HERC5: variants seen among roughly 807,000 people sequenced by gnomAD.
The protein encoded by HERC5 is HECT and RLD domain containing E3 ubiquitin protein ligase 5.
A neutral mutation model predicts 119.6 loss-of-function variants in HERC5; 99 were observed. That is an observed-to-expected ratio of 0.83 (90% CI 0.70 to 0.98). HERC5 has a LOEUF of 0.98. Among genes scored for constraint, HERC5 ranks in the 50% least tolerant of loss-of-function variants. The probability of loss-of-function intolerance (pLI) is 0.00; values close to 1 mark genes in which losing one functional copy is unlikely to be tolerated. For missense variants in HERC5, 1,267 were observed against 1,241.3 expected (o/e 1.02, Z -0.31); for synonymous variants, 478 against 445.9 (o/e 1.07, Z -0.91).
intron 1 of HERC5, among the ~76,000 whole-genome samples, chr4:88,458,337 G>A (rs1254389327): frequency 1.3e-5 from 2 of 151,762 alleles, no homozygotes; most frequent in African/African-American, 2.4e-5. Flanking sequence ...TGTTAGGCTG[G>A]AAAGCTATCC....
At chr4:88,500,232 G>A (rs184610189) in intron 19 of HERC5, among the ~76,000 whole-genome samples, 75 of 152,280 alleles carry the variant, frequency 4.9e-4, no homozygotes, top group Middle Eastern at 3.4e-3. Context: ...GGGCCGACTT[G>A]GCCAGGCTGG....
chr4:88,457,861 C>A, intron 1 of HERC5: 1 of 1,035,318 alleles, frequency 9.7e-7, no homozygotes, highest in Non-Finnish European at 1.2e-6. Context: ...ACCCCCGTCC[C>A]CCGCCCGCCG....
chr4:88,463,729 C>A, intron 5 of HERC5, 106 bp downstream of exon 5: 1 of 1,363,560 alleles, frequency 7.3e-7, no homozygotes, highest in Non-Finnish European at 1.0e-6. Context: ...GTATGTAGGA[C>A]TGTCCTTCTG....
At chr4:88,473,446 G>A (rs993982463) in intron 11 of HERC5, 4 of 152,038 alleles carry the variant, frequency 2.6e-5, no homozygotes. Context: ...GCCACAACTA[G>A]CATTTTCTAT....
chr4:88,495,876 G>A (rs986229677), intron 18 of HERC5, among the ~76,000 whole-genome samples: 1 of 152,132 alleles, frequency 6.6e-6, no homozygotes, highest in Non-Finnish European at 1.5e-5. Flanking sequence ...AATTAACAAT[G>A]TACATGAACT....
In HERC5 at chr4:88,505,816, A is replaced by G. The variant is rs574099995; in HGVS notation, c.3013A>G (p.Thr1005Ala). The part of the protein sequence containing the change: ...FSVLFLPKYS[T>A]METVEEALQE... Reference sequence around the variant, plus strand: ...TGTCCTCTTCCTCCCTAAATATTCTACAATGGAAACAGTTGAAGAAGCGCT... The same window carrying G: ...TGTCCTCTTCCTCCCTAAATATTCTGCAATGGAAACAGTTGAAGAAGCGCT... Residue 1005 changes from threonine to alanine, a missense_variant, in exon 23 of 23, where the codon ACA becomes GCA. Physicochemically the swap from Thr to Ala is moderately conservative, Grantham distance 58 (BLOSUM62 0). Transcript: ENST00000264350. The G allele has an allele frequency of 8.7e-6, 14 of 1,613,772 alleles. No individual in the cohort carries two copies. The South Asian group carries it at 1.4e-4, about 16-fold the overall frequency.
chr4:88,494,633 TA>T (rs1341409955), intron 18 of HERC5, among the ~76,000 whole-genome samples: 2 of 152,258 alleles, frequency 1.3e-5, no homozygotes, highest in African/African-American at 4.8e-5. Flanking sequence ...ATATTTATGT[TA>T]AATGTTGTTT....
chr4:88,460,212 C>A, intron 3 of HERC5, 41 bp downstream of exon 3: 2 of 1,015,878 alleles, frequency 2.0e-6, no homozygotes, highest in Admixed American at 1.9e-5. Flanking sequence ...AGAAGTAATA[C>A]CTGTGTGTAT....
intron 18 of HERC5, among the ~76,000 whole-genome samples, chr4:88,498,436 T>G (rs1578067782): frequency 6.6e-6 from 1 of 152,240 alleles, no homozygotes; most frequent in Admixed American, 6.5e-5. Flanking sequence ...AAGATTATTC[T>G]CAAGCCTTAA....
At position 88,505,782 on chromosome 4, in the gene HERC5, A is replaced by G. The variant is rs1370164591; in HGVS notation, c.2979A>G (p.Thr993=). 1.9e-6 allele frequency: 3 copies of G among 1,612,646 alleles called. No homozygotes were observed. The highest frequency in any genetic ancestry group is 2.5e-6 in the Non-Finnish European group (3 of 1,178,620). The change falls in exon 23 of 23, where the codon ACA becomes ACG. Residue 993 remains threonine, a synonymous_variant. Coordinates refer to ENST00000264350, the MANE Select transcript of HERC5 (RefSeq NM_016323.4). ...AAAGAGACCCTATAAGAGCACTGAC[A>G]TGTTTCAGTGTCCTCTTCCTCCCTA... is the stretch of plus-strand genomic sequence containing the variant. ...WNERDPIRAL[T]CFSVLFLPKY...
At chr4:88,458,850 C>T (rs1399719959) in intron 1 of HERC5, among the ~76,000 whole-genome samples, 1 of 152,144 alleles carries the variant, frequency 6.6e-6, no homozygotes, top group African/African-American at 2.4e-5. Context: ...AAGATAGTCC[C>T]CCAAACATAA....
At chr4:88,457,844 A>G (rs934917187) in intron 1 of HERC5, 1 of 944,088 alleles carries the variant, frequency 1.1e-6, no homozygotes, top group Non-Finnish European at 1.3e-6. Flanking sequence ...TTTCTGTTCA[A>G]GTTTGTACCC....
chr4:88,473,737 T>G (rs1273525909), intron 11 of HERC5: 1 of 152,244 alleles, frequency 6.6e-6, no homozygotes, highest in Non-Finnish European at 1.5e-5. Context: ...TGTAAGATTC[T>G]GAGTCATTGC....
At chr4:88,463,244 T>G (rs911859673) in intron 4 of HERC5, among the ~76,000 whole-genome samples, 1 of 152,206 alleles carries the variant, frequency 6.6e-6, no homozygotes, top group African/African-American at 2.4e-5. Context: ...GTTGGAAATA[T>G]CTAATGTGCT....
intron 10 of HERC5, among the ~76,000 whole-genome samples, chr4:88,472,018 C>T (rs556396590): frequency 7.0e-6 from 1 of 141,914 alleles, no homozygotes; most frequent in South Asian, 2.4e-4. Flanking sequence ...TTTTCTGAGG[C>T]AGGATCTTGC....
At chr4:88,492,845 A>G (rs193234882) in intron 16 of HERC5, among the ~76,000 whole-genome samples, 167 bp from the exon 17 acceptor site, 1 of 152,342 alleles carries the variant, frequency 6.6e-6, no homozygotes, top group East Asian at 1.9e-4. Context: ...ATCTCATAGA[A>G]TTAATGTAGA....
At chr4:88,484,519 T>C (rs897930314) in intron 13 of HERC5, among the ~76,000 whole-genome samples, 3 of 152,238 alleles carry the variant, frequency 2.0e-5, no homozygotes, top group Non-Finnish European at 4.4e-5. Flanking sequence ...GAAGGAGAGC[T>C]CTTTTGTAAT....
chr4:88,467,223 T>C lies in HERC5; in HGVS notation c.1057+19T>C, dbSNP rs772403500. The C allele has an allele frequency of 1.9e-6, 3 of 1,612,266 alleles. No individual in the cohort carries two copies. Among genetic ancestry groups the C allele is most frequent in the South Asian group, 2.2e-5 (2 of 90,956 alleles). On this transcript the variant is annotated intron_variant, in intron 7 of 22. Coordinates refer to ENST00000264350, the MANE Select transcript of HERC5 (RefSeq NM_016323.4). ...AAACTTGGTAAATTCTATAGGAACATAGGGTTTGGCATAGTATCTTTTTAG... is the reference window on the plus strand; with the variant it reads ...AAACTTGGTAAATTCTATAGGAACACAGGGTTTGGCATAGTATCTTTTTAG...
In HERC5 at chr4:88,479,473, A is replaced by C. The variant is rs1741200691; in HGVS notation, c.1703A>C (p.Gln568Pro). 6.2e-7 allele frequency: 1 copy of C among 1,609,794 alleles called. No homozygotes were observed. The highest frequency in any genetic ancestry group is 1.3e-5 in the African/African-American group (1 of 74,580). The change falls in exon 13 of 23, where the codon CAA becomes CCA. Residue 568 changes from glutamine to proline, a missense_variant. By Grantham distance (76) the Gln-to-Pro change is moderately conservative (BLOSUM62 -1). Around this residue, in one of 3 missense-constraint regions of HERC5, gnomAD observed 777 missense variants for 758.0 expected, o/e 1.03. Transcript: ENST00000264350. ...AGTGCTGAGGAGAATGGTAATGTTC[A>C]AGCTCTCCTAGAAATGTTGAAGAAG... is the stretch of plus-strand genomic sequence containing the variant. ...DESAEENGNV[Q>P]ALLEMLKKLH...
Sources: gnomAD v4.1 joint callset for allele counts (sites outside exome capture counted in the v4.1 genomes callset) on GRCh38, gnomAD v4.1.1 for gene constraint, gnomAD v4.1.1 regional missense constraint, MANE v1.5 for transcripts, NCBI Gene and HGNC (gene_info 2026-07-23, HGNC 2026-07-21) for gene names.